FGD1: variants seen among roughly 807,000 people sequenced by gnomAD.
FGD1 encodes the protein FYVE, RhoGEF and PH domain-containing protein 1.
Under a neutral mutation model 65.0 loss-of-function variants are expected in FGD1, and 12 were observed. That is an observed-to-expected ratio of 0.18 (90% CI 0.12 to 0.30). FGD1 has a LOEUF of 0.30. FGD1 is among the 10% of genes least tolerant of loss of function. FGD1 has a pLI of 1.00. For synonymous variants in FGD1, 333 were observed against 343.9 expected, an observed-to-expected ratio of 0.97 and a Z score of 0.35; for missense variants, 542 against 837.6, an observed-to-expected ratio of 0.65 and a Z score of 4.36.
chrX:54,467,476 T>TC (rs974441414), intron 6 of FGD1, among the ~76,000 whole-genome samples: 19 of 109,535 alleles, frequency 1.7e-4, no homozygotes, highest in African/African-American at 6.3e-4. Flanking sequence ...TGCCTCAGCC[T>TC]CCCGAGTAGC....
In FGD1 at chrX:54,449,706, A is replaced by G; in HGVS notation, c.2101T>C (p.Leu701=). 1 of 1,209,092 alleles carries G rather than the reference A, an allele frequency of 8.3e-7. No homozygotes were observed. The highest frequency in any genetic ancestry group is 1.1e-6 in the Non-Finnish European group (1 of 893,578). Residue 701 remains leucine (L), a synonymous_variant, in exon 14 of 18, where the codon TTG becomes CTG. Coordinates refer to ENST00000375135, the MANE Select transcript of FGD1 (RefSeq NM_004463.3). ...HEQTLETFKL[L]NSTNREDEDT... ...TCATCTTCCCTGTTTGTTGAGTTCA[A>G]CAGTTTGAAAGTCTCCAGCGTCTGT... is the stretch of plus-strand genomic sequence containing the variant.
chrX:54,479,280 C>G (rs970790005), intron 1 of FGD1, among the ~76,000 whole-genome samples: 1 of 111,348 alleles, frequency 9.0e-6, no homozygotes, highest in Non-Finnish European at 1.9e-5. Flanking sequence ...CTGGGAATCT[C>G]AGCTGCCAAG....
rs898936578 is a variant in FGD1, at chrX:54,470,477, C to T, written c.660-20G>A. ...GGCTCTCTGAGGTGGGTGGTGGACA[C>T]ACATGGAAGCAGGGTATGAGCTTGA... On this transcript the variant is annotated intron_variant, in intron 3 of 17. Coordinates refer to ENST00000375135, the MANE Select transcript of FGD1 (RefSeq NM_004463.3). 1 of 1,191,947 alleles carries T rather than the reference C, an allele frequency of 8.4e-7. No homozygotes were observed. Among genetic ancestry groups the T allele is most frequent in the South Asian group, 1.8e-5 (1 of 55,536 alleles).
chrX:54,476,615 G>T (rs1400626500), intron 1 of FGD1, among the ~76,000 whole-genome samples: 1 of 106,353 alleles, frequency 9.4e-6, no homozygotes. Context: ...GCCTCCAAAA[G>T]TGCTGAGATT....
chrX:54,480,682 T>A (rs1288942083), intron 1 of FGD1, among the ~76,000 whole-genome samples: 2 of 109,217 alleles, frequency 1.8e-5, no homozygotes, highest in Non-Finnish European at 3.8e-5. Context: ...GACAGAGTGT[T>A]ACTCTGTCGC....
intron 1 of FGD1, among the ~76,000 whole-genome samples, chrX:54,473,723 G>A (rs1467575659): frequency 1.8e-5 from 2 of 112,162 alleles, no homozygotes; most frequent in Non-Finnish European, 3.8e-5. Context: ...GGTGGCTGAC[G>A]CCTGTGATCC....
chrX:54,481,109 G>T (rs1470939990), intron 1 of FGD1, among the ~76,000 whole-genome samples: 3 of 111,147 alleles, frequency 2.7e-5, no homozygotes, highest in Non-Finnish European at 5.7e-5. Flanking sequence ...TTTATGCCTT[G>T]CCCTATCTCA....
intron 1 of FGD1, among the ~76,000 whole-genome samples, chrX:54,485,120 CAG>C (rs1923240946): frequency 8.9e-6 from 1 of 112,397 alleles, no homozygotes; most frequent in South Asian, 3.7e-4. Context: ...CCCAGCTACC[CAG>C]AGTCTTTACA....
At chrX:54,477,225 C>G (rs1265610112) in intron 1 of FGD1, among the ~76,000 whole-genome samples, 2 of 112,100 alleles carry the variant, frequency 1.8e-5, no homozygotes, top group East Asian at 5.6e-4. Context: ...GGGTATGCAC[C>G]CTTCCTGCCC....
At chrX:54,488,003 C>T (rs1923320048) in intron 1 of FGD1, among the ~76,000 whole-genome samples, 1 of 106,452 alleles carries the variant, frequency 9.4e-6, no homozygotes, top group Admixed American at 1.0e-4. Context: ...CGGTGGCTCA[C>T]GCCTGTAATC....
At chrX:54,462,656 T>G (rs757857432) in intron 8 of FGD1, among the ~76,000 whole-genome samples, 1 of 108,757 alleles carries the variant, frequency 9.2e-6, no homozygotes, top group South Asian at 4.0e-4. Context: ...CCTCCCAAAT[T>G]GCTAGGATTA....
chrX:54,449,849 GA>G (rs1922336827), intron 13 of FGD1, 89 bp from the exon 14 acceptor site: 1 of 662,634 alleles, frequency 1.5e-6, no homozygotes, highest in Non-Finnish European at 2.4e-6. Flanking sequence ...ACCCTAGCCT[GA>G]AGTTAGAAAA....
At chrX:54,472,491 T>C (rs1044261137) in intron 1 of FGD1, among the ~76,000 whole-genome samples, 3 of 110,781 alleles carry the variant, frequency 2.7e-5, no homozygotes, top group Non-Finnish European at 5.7e-5. Context: ...ATACTGTCCC[T>C]CTTCCCTCAC....
intron 1 of FGD1, among the ~76,000 whole-genome samples, chrX:54,471,890 A>G: frequency 8.9e-6 from 1 of 112,024 alleles, no homozygotes; most frequent in Non-Finnish European, 1.9e-5. Flanking sequence ...TAAGGCCCTG[A>G]GAATATCTAG....
chrX:54,456,250 A>G lies in FGD1; in HGVS notation c.1812T>C (p.Asn604=). ...EGHILKLSAK[N]GTTQDRYLIL... Reference sequence around the variant, plus strand: ...TGAGGTATCGGTCTTGAGTGGTCCCATTCTTTGCTGACAGCTTAAGGATGT... The same window carrying G: ...TGAGGTATCGGTCTTGAGTGGTCCCGTTCTTTGCTGACAGCTTAAGGATGT... Residue 604 remains asparagine, a synonymous_variant, in exon 10 of 18, where the codon AAT becomes AAC. Transcript: ENST00000375135. 1 of 1,211,499 alleles carries G rather than the reference A, an allele frequency of 8.3e-7. No individual in the cohort carries two copies. The highest frequency in any genetic ancestry group is 1.1e-6 in the Non-Finnish European group (1 of 895,447).
In FGD1 at chrX:54,468,831, G is replaced by T; in HGVS notation, c.1147C>A (p.Gln383Lys). Residue 383 changes from glutamine (Q) to lysine (K), a missense_variant, in exon 5 of 18, where the codon CAA becomes AAA. Around this residue, in one of 6 missense-constraint regions of FGD1, gnomAD observed 22 missense variants for 46.4 expected, o/e 0.47. Transcript: ENST00000375135. ...KVFHIANELL[Q>K]TEKAYVSRLH... The stretch of plus-strand genomic sequence containing the variant: ...CTGGAAACGTAGGCCTTCTCAGTTT[G>T]CAGGAGCTCATTGGCAATGTGAAAC... The T allele has an allele frequency of 8.3e-7, 1 of 1,209,040 alleles. No individual in the cohort carries two copies. Among genetic ancestry groups the T allele is most frequent in the Non-Finnish European group, 1.1e-6 (1 of 893,647 alleles).
At chrX:54,457,356 T>G (rs996527389) in intron 8 of FGD1, among the ~76,000 whole-genome samples, 4 of 111,934 alleles carry the variant, frequency 3.6e-5, no homozygotes, top group Non-Finnish European at 7.5e-5. Flanking sequence ...TGGGTATCTA[T>G]TCTAGGAAAA....
intron 2 of FGD1, among the ~76,000 whole-genome samples, chrX:54,471,091 C>T (rs1289967181): frequency 1.8e-5 from 2 of 110,459 alleles, no homozygotes; most frequent in Non-Finnish European, 3.8e-5. Context: ...CACCAATCTG[C>T]ACCTTTGCCT....
intron 1 of FGD1, among the ~76,000 whole-genome samples, chrX:54,479,037 C>T (rs1224137256): frequency 8.9e-6 from 1 of 112,373 alleles, no homozygotes; most frequent in Non-Finnish European, 1.9e-5. Context: ...AAATAAGTGT[C>T]AAGAAGTGTA....
Sources: allele counts gnomAD v4.1 joint callset (sites outside exome capture counted in the v4.1 genomes callset), GRCh38; gene constraint gnomAD v4.1.1; regional missense constraint gnomAD v4.1.1; transcripts MANE v1.5; gene names NCBI Gene and HGNC (gene_info 2026-07-23, HGNC 2026-07-21).